The following MYL9 variants were observed in gnomAD, a reference collection of about 807,000 sequenced individuals.
The protein encoded by MYL9 is myosin regulatory light polypeptide 9.
A neutral mutation model predicts 12.8 loss-of-function variants in MYL9; 7 were observed. The ratio of observed to expected loss-of-function variants is 0.55; its 90% CI spans 0.31 to 1.03. The LOEUF (loss-of-function observed/expected upper bound fraction) is 1.03, where lower values mean the gene tolerates loss of function less well. Among genes scored for constraint, MYL9 ranks in the 50% least tolerant of loss-of-function variants. The pLI is 0.05. For synonymous variants in MYL9, 81 were observed against 87.8 expected, an observed-to-expected ratio of 0.92 and a Z score of 0.43; for missense variants, 190 against 242.7, an observed-to-expected ratio of 0.78 and a Z score of 1.44.
At chr20:36,545,758 G>A (rs543961137) in intron 2 of MYL9, among the ~76,000 whole-genome samples, 74 of 151,782 alleles carry the variant, frequency 4.9e-4, no homozygotes, top group Non-Finnish European at 8.5e-4. Flanking sequence ...GTGAAACCCC[G>A]TCTCTACTAA....
chr20:36,545,115 C>T, intron 2 of MYL9, 47 bp downstream of exon 2: 2 of 1,592,016 alleles, frequency 1.3e-6, no homozygotes, highest in East Asian at 2.2e-5. Flanking sequence ...GCCAGGCAGG[C>T]TCTGCCAATC....
Position 36,548,101 on chromosome 20 carries a change from T to G in MYL9, c.254T>G (p.Met85Arg). The change falls in exon 3 of 4, where the codon ATG (methionine) becomes AGG (arginine). Residue 85 changes from methionine to arginine, a missense_variant. Met to Arg is a moderately conservative substitution (Grantham distance 91). Transcript: ENST00000279022. ...SEAPGPINFT[M>R]FLTMFGEKLN... is the part of the protein sequence containing the mutation. ...GCCCCGGGGCCCATCAACTTCACCA[T>G]GTTCCTCACCATGTTTGGGGAGAAG... is the stretch of plus-strand genomic sequence containing the variant. The G allele has an allele frequency of 6.2e-7, 1 of 1,613,976 alleles. No individual in the cohort carries two copies. Among genetic ancestry groups the G allele is most frequent in the Non-Finnish European group, 8.5e-7 (1 of 1,179,900 alleles).
chr20:36,545,138 C>G, intron 2 of MYL9, 70 bp downstream of exon 2: 1 of 1,529,450 alleles, frequency 6.5e-7, no homozygotes, highest in South Asian at 1.2e-5. Context: ...TTACAGGGCA[C>G]CTCCTGTGTA....
intron 2 of MYL9, among the ~76,000 whole-genome samples, chr20:36,545,652 C>T (rs1256495018): frequency 6.6e-6 from 1 of 151,830 alleles, no homozygotes; most frequent in Non-Finnish European, 1.5e-5. Context: ...GTCAGCTGGC[C>T]AGGCGCTGTG....
At chr20:36,543,883 G>T (rs759799602) in intron 1 of MYL9, among the ~76,000 whole-genome samples, 3 of 152,172 alleles carry the variant, frequency 2.0e-5, no homozygotes, top group Non-Finnish European at 4.4e-5. Context: ...AGTGTCCAGG[G>T]AACTGCAGAG....
At chr20:36,543,639 G>A (rs908690360) in intron 1 of MYL9, among the ~76,000 whole-genome samples, 2 of 152,242 alleles carry the variant, frequency 1.3e-5, no homozygotes, top group African/African-American at 4.8e-5. Context: ...CAGACTGGCC[G>A]TAGTTGCCTT....
intron 1 of MYL9, among the ~76,000 whole-genome samples, chr20:36,544,560 T>C (rs1452536576): frequency 6.6e-6 from 1 of 152,230 alleles, no homozygotes; most frequent in Non-Finnish European, 1.5e-5. Flanking sequence ...AAATAGCTGA[T>C]TCCATGCCCG....
chr20:36,543,039 T>C lies in MYL9; in HGVS notation c.-27+1478T>C, dbSNP rs182217813. 4.1e-3 allele frequency among the ~76,000 whole-genome samples: 629 copies of C among 152,140 alleles called. 6 individuals are homozygous for C. Among genetic ancestry groups the C allele is most frequent in the Middle Eastern group, 0.024 (7 of 294 alleles). ...CTGCCTCTCTGCATGCAGCCTTCTG[T>C]GGGCACCAGGAGTCAAAGTTCCCGA... is the stretch of plus-strand genomic sequence containing the variant. On this transcript the variant is annotated intron_variant, in intron 1 of 3. Coordinates refer to ENST00000279022, the MANE Select transcript of MYL9 (RefSeq NM_006097.5).
In MYL9 at chr20:36,551,208, C is replaced by CT. The variant is rs1347540393; in HGVS notation, c.*1960dup. The CT allele has an allele frequency of 6.6e-6, 1 of 152,298 alleles. No homozygotes were observed. The highest frequency in any genetic ancestry group is 1.5e-5 in the Non-Finnish European group (1 of 68,180). The allele number at this position is 152,298 out of a possible 1,614,324, so 9.4% of individuals were successfully genotyped here. ...CAGCCTCACTGGCTTCAGAACTGGCCTGGGGGCTACCTTGACCCACAGGAA... is the reference window on the plus strand; with the variant it reads ...CAGCCTCACTGGCTTCAGAACTGGCCTTGGGGGCTACCTTGACCCACAGGAA... On this transcript the variant is annotated 3_prime_UTR_variant, in exon 4 of 4. Transcript: ENST00000279022.
At chr20:36,548,009 C>G (rs906952889) in intron 2 of MYL9, 23 bp from the exon 3 acceptor site, 12 of 1,588,664 alleles carry the variant, frequency 7.6e-6, no homozygotes, top group Non-Finnish European at 1.0e-5. Flanking sequence ...GGACCACAGG[C>G]TGGAACACCC....
chr20:36,548,206 C>A lies in MYL9; in HGVS notation c.346+13C>A. 6.3e-7 allele frequency: 1 copy of A among 1,596,846 alleles called. No homozygotes were observed. Among genetic ancestry groups the A allele is most frequent in the Non-Finnish European group, 8.6e-7 (1 of 1,169,324 alleles). ...GAGGAAGCCTCAGGTCCGTGGCGCC[C>A]CCTACCACCACTCTGCATGCAAGTG... On this transcript the variant is annotated intron_variant, in intron 3 of 3. Transcript: ENST00000279022.
chr20:36,549,285 G>A lies in MYL9; in HGVS notation c.*36G>A, dbSNP rs200649093. On this transcript the variant is annotated 3_prime_UTR_variant, in exon 4 of 4. Coordinates refer to ENST00000279022, the MANE Select transcript of MYL9 (RefSeq NM_006097.5). ...CCCCCTGACACCCCAGCCCCCGCCA[G>A]TCACCCCTCCCCGCACACACCCGTC... The A allele has an allele frequency of 1.8e-3, 2,169 of 1,221,122 alleles. 5 individuals are homozygous for A. Among genetic ancestry groups the A allele is most frequent in the Non-Finnish European group, 2.1e-3 (1,987 of 941,154 alleles). 75.6% of individuals were successfully genotyped at this position (1,221,122 alleles called of 1,614,324 possible).
At chr20:36,547,722 T>C (rs1460632209) in intron 2 of MYL9, among the ~76,000 whole-genome samples, 2 of 152,200 alleles carry the variant, frequency 1.3e-5, no homozygotes, top group Non-Finnish European at 2.9e-5. Context: ...TGGTGAAAGT[T>C]AAATGCAATA....
At chr20:36,543,925 G>C (rs948841092) in intron 1 of MYL9, among the ~76,000 whole-genome samples, 1 of 152,096 alleles carries the variant, frequency 6.6e-6, no homozygotes, top group African/African-American at 2.4e-5. Flanking sequence ...GTCACAAGAG[G>C]GACACCACGA....
rs2038144852 is a variant in MYL9, at chr20:36,549,474, A to G, written c.*225A>G. On this transcript the variant is annotated 3_prime_UTR_variant, in exon 4 of 4. Coordinates refer to ENST00000279022, the MANE Select transcript of MYL9 (RefSeq NM_006097.5). The stretch of plus-strand genomic sequence containing the variant: ...CTGGGCTATAGTCTCTGACCCCTCC[A>G]AGGAAAGACCACCTTCTGGGGACAT... The G allele has an allele frequency of 4.1e-6, 2 of 484,370 alleles. No homozygotes were observed. The highest frequency in any genetic ancestry group is 5.6e-5 in the South Asian group (2 of 35,910). 30.0% of individuals were successfully genotyped at this position (484,370 alleles called of 1,614,324 possible). A position where few individuals can be genotyped will look rare whatever the true frequency, so the allele number is the denominator to read the frequency against.
At chr20:36,546,758 C>T (rs539789205) in intron 2 of MYL9, among the ~76,000 whole-genome samples, 3 of 152,200 alleles carry the variant, frequency 2.0e-5, no homozygotes, top group Middle Eastern at 6.8e-3. Flanking sequence ...TACAGACGTG[C>T]GCCACCATGC....
At chr20:36,542,698 T>C (rs1239057132) in intron 1 of MYL9, among the ~76,000 whole-genome samples, 2 of 152,118 alleles carry the variant, frequency 1.3e-5, no homozygotes, top group Non-Finnish European at 2.9e-5. Context: ...GTCTTCCAGG[T>C]GGCCCCTCCC....
In MYL9 at chr20:36,548,188, C is replaced by T; in HGVS notation, c.341C>T (p.Ala114Val). ...GCCTTTGCCTGCTTCGACGAGGAAG[C>T]CTCAGGTCCGTGGCGCCCCCTACCA... ...RNAFACFDEE[A>V]SGFIHEDHLR... The change falls in exon 3 of 4, where the codon GCC becomes GTC. Residue 114 changes from alanine (A) to valine (V), a missense_variant. Ala to Val is a moderately conservative substitution (Grantham distance 64). Transcript: ENST00000279022. 6.2e-7 allele frequency: 1 copy of T among 1,608,938 alleles called. No homozygotes were observed. Among genetic ancestry groups the T allele is most frequent in the South Asian group, 1.1e-5 (1 of 90,548 alleles).
At chr20:36,547,116 A>T (rs993297329) in intron 2 of MYL9, among the ~76,000 whole-genome samples, 1 of 152,106 alleles carries the variant, frequency 6.6e-6, no homozygotes, top group Non-Finnish European at 1.5e-5. Flanking sequence ...AGGCCCCTGA[A>T]CCCCTGAGAC....
Sources: allele counts gnomAD v4.1 joint callset (sites outside exome capture counted in the v4.1 genomes callset), GRCh38; gene constraint gnomAD v4.1.1; transcripts MANE v1.5; gene names NCBI Gene and HGNC (gene_info 2026-07-23, HGNC 2026-07-21).